The following STIM2 variants were observed in gnomAD, a reference collection of about 807,000 sequenced individuals.
The protein encoded by STIM2 is stromal interaction molecule 2.
In STIM2, 31 loss-of-function variants were observed where a neutral mutation model predicts 85.8. The ratio of observed to expected loss-of-function variants is 0.36; its 90% CI spans 0.27 to 0.49. The LOEUF is 0.49. Ranked by LOEUF, STIM2 falls within the 20% of genes least tolerant of loss-of-function variation. The pLI is 0.98. For synonymous variants in STIM2, 356 were observed against 331.1 expected (o/e 1.08, Z -0.82); for missense variants, 841 against 927.6 (o/e 0.91, Z 1.21).
intron 4 of STIM2, 24 bp from the exon 5 acceptor site, chr4:26,999,208 T>C (rs749523019): frequency 1.7e-6 from 2 of 1,149,526 alleles, no homozygotes; most frequent in South Asian, 2.9e-5. Context: ...TATATATATG[T>C]GTGTGTGTTT....
chr4:26,977,028 T>C (rs1174656174), intron 3 of STIM2, among the ~76,000 whole-genome samples: 1 of 152,090 alleles, frequency 6.6e-6, no homozygotes, highest in Non-Finnish European at 1.5e-5. Context: ...GGTAACAGTA[T>C]AGTTAGTGAG....
At chr4:26,920,685 T>A (rs1441548060) in intron 2 of STIM2, among the ~76,000 whole-genome samples, 2 of 152,202 alleles carry the variant, frequency 1.3e-5, no homozygotes, top group Non-Finnish European at 2.9e-5. Context: ...TACAAAACGT[T>A]TATTTGAGAA....
intron 3 of STIM2, among the ~76,000 whole-genome samples, chr4:26,985,196 G>C (rs910285766): frequency 5.9e-5 from 9 of 152,134 alleles, no homozygotes; most frequent in African/African-American, 2.2e-4. Flanking sequence ...AATCAACTGA[G>C]TTAGGATGAA....
intron 3 of STIM2, among the ~76,000 whole-genome samples, chr4:26,976,711 C>T (rs1016870696): frequency 5.3e-5 from 8 of 151,696 alleles, no homozygotes; most frequent in Non-Finnish European, 8.8e-5. Context: ...GGCTGAGGCA[C>T]GAGGATTGTT....
intron 1 of STIM2, among the ~76,000 whole-genome samples, chr4:26,895,810 C>T (rs1723677156): frequency 6.6e-6 from 1 of 152,192 alleles, no homozygotes; most frequent in Non-Finnish European, 1.5e-5. Context: ...TATCTACTAC[C>T]TCAAAGTCAT....
intron 1 of STIM2, among the ~76,000 whole-genome samples, chr4:26,914,321 A>C (rs1345579361): frequency 1.3e-5 from 2 of 152,180 alleles, no homozygotes; most frequent in Non-Finnish European, 1.5e-5. Context: ...ATTCATAGTT[A>C]TTATCACCCT....
intron 1 of STIM2, among the ~76,000 whole-genome samples, chr4:26,910,974 C>T (rs544064076): frequency 2.0e-5 from 3 of 152,260 alleles, no homozygotes; most frequent in East Asian, 1.9e-4. Context: ...CAGTGGCTCA[C>T]GCCTGTAATC....
At chr4:26,941,206 CTT>C (rs1387745401) in intron 2 of STIM2, among the ~76,000 whole-genome samples, 2 of 152,094 alleles carry the variant, frequency 1.3e-5, no homozygotes, top group African/African-American at 2.4e-5. Flanking sequence ...CGTTCAGTCT[CTT>C]GTTTCATCTT....
rs532089022 is a variant in STIM2 at position 26,963,770 on chromosome 4, T to C, written c.397+6044T>C. Among the ~76,000 whole-genome samples the C allele has an allele frequency of 2.0e-5, 3 of 152,290 alleles. No homozygotes were observed. In the East Asian group the frequency reaches 5.8e-4, roughly 29 times the overall value. On this transcript the variant is annotated intron_variant, in intron 3 of 11. Coordinates refer to ENST00000467087, the MANE Select transcript of STIM2 (RefSeq NM_020860.4). ...AAGACTTTGAAAGATAAAATTTTCA[T>C]AGAAATAAGAGAGGGATATACAAGT...
intron 1 of STIM2, among the ~76,000 whole-genome samples, chr4:26,890,355 A>T (rs1560196357): frequency 6.6e-6 from 1 of 152,018 alleles, no homozygotes; most frequent in Non-Finnish European, 1.5e-5. Context: ...CTTGATCTTG[A>T]TCTGTCATAT....
Position 26,861,257 on chromosome 4 carries a change from C to T in STIM2, c.39C>T (p.Asp13=). ...GGCTGCTGGTAGCCGGAGCGGCGGACGGATGCGAGCTTGTGCCCCGGCACC... is the reference window on the plus strand; with the variant it reads ...GGCTGCTGGTAGCCGGAGCGGCGGATGGATGCGAGCTTGTGCCCCGGCACC... The change falls in exon 1 of 12, where the codon GAC becomes GAT. Residue 13 remains aspartate (D), a synonymous_variant. Coordinates refer to ENST00000467087, the MANE Select transcript of STIM2 (RefSeq NM_020860.4). 6.8e-7 allele frequency: 1 copy of T among 1,480,192 alleles called. No homozygotes were observed. Among genetic ancestry groups the T allele is most frequent in the Non-Finnish European group, 8.9e-7 (1 of 1,121,758 alleles). The allele number at this position is 1,480,192 out of a possible 1,614,324, so 91.7% of individuals were successfully genotyped here.
chr4:26,889,522 A>G (rs1723383964), intron 1 of STIM2, among the ~76,000 whole-genome samples: 1 of 152,204 alleles, frequency 6.6e-6, no homozygotes, highest in Admixed American at 6.5e-5. Flanking sequence ...ATCTGTTGTA[A>G]TAAGAACAAA....
At chr4:26,965,171 G>A (rs1188853218) in intron 3 of STIM2, among the ~76,000 whole-genome samples, 1 of 152,104 alleles carries the variant, frequency 6.6e-6, no homozygotes. Flanking sequence ...CCTTATGCAA[G>A]GGAAGGTCCA....
chr4:27,017,012 G>C (rs917227513), intron 10 of STIM2, among the ~76,000 whole-genome samples: 3 of 152,200 alleles, frequency 2.0e-5, no homozygotes, highest in African/African-American at 7.2e-5. Flanking sequence ...AACAGCTTCA[G>C]CTTGAGAAGG....
At chr4:26,913,685 A>G (rs768896344) in intron 1 of STIM2, among the ~76,000 whole-genome samples, 1 of 152,156 alleles carries the variant, frequency 6.6e-6, no homozygotes, top group Non-Finnish European at 1.5e-5. Flanking sequence ...TTTTCTTTCA[A>G]ACATTTTGGA....
At chr4:26,963,265 A>G (rs1407845830) in intron 3 of STIM2, among the ~76,000 whole-genome samples, 1 of 152,186 alleles carries the variant, frequency 6.6e-6, no homozygotes, top group Non-Finnish European at 1.5e-5. Context: ...TATTTTAAAA[A>G]TATCTAGAAC....
intron 1 of STIM2, among the ~76,000 whole-genome samples, chr4:26,886,212 T>C (rs2109040989): frequency 6.6e-6 from 1 of 152,258 alleles, no homozygotes; most frequent in African/African-American, 2.4e-5. Flanking sequence ...GCTTTTTCTG[T>C]GTAGGAGCAT....
In STIM2 at chr4:26,957,726, G is replaced by A; in HGVS notation, c.397G>A (p.Val133Ile). ...ATGGAAACGATGGAAAACATCAGAA[G>A]GTAAGACTGCCTTTGTGATCTGGCC... The change falls in exon 3 of 12, where the codon GTT (valine) becomes ATT (isoleucine). Residue 133 changes from valine (V) to isoleucine (I), a missense_variant and splice_region_variant. Val to Ile is a conservative substitution (Grantham distance 29). Around this residue, in one of 3 missense-constraint regions of STIM2, gnomAD observed 408 missense variants for 525.4 expected, o/e 0.78. Coordinates refer to ENST00000467087, the MANE Select transcript of STIM2 (RefSeq NM_020860.4). The A allele has an allele frequency of 3.8e-6, 6 of 1,583,954 alleles. No individual in the cohort carries two copies. Among genetic ancestry groups the A allele is most frequent in the Admixed American group, 1.8e-5 (1 of 56,162 alleles).
chr4:27,001,425 C>A (rs961800361), intron 5 of STIM2, among the ~76,000 whole-genome samples: 1 of 152,148 alleles, frequency 6.6e-6, no homozygotes, highest in Non-Finnish European at 1.5e-5. Context: ...ATACCAGTAA[C>A]CCCCATATCT....
Sources: allele counts gnomAD v4.1 joint callset (sites outside exome capture counted in the v4.1 genomes callset), GRCh38; gene constraint gnomAD v4.1.1; regional missense constraint gnomAD v4.1.1; transcripts MANE v1.5; gene names NCBI Gene and HGNC (gene_info 2026-07-23, HGNC 2026-07-21).